The following APBA2 variants were observed in gnomAD, a reference collection of about 807,000 sequenced individuals.
The protein encoded by APBA2 is amyloid beta precursor protein binding family A member 2, also known as amyloid-beta A4 precursor protein-binding family A member 2.
In APBA2, 30 loss-of-function variants were observed where a neutral mutation model predicts 75.0. The observed-to-expected ratio is 0.40, with a 90% CI of 0.30 to 0.54. APBA2 has a LOEUF of 0.54. APBA2 is among the 20% of genes least tolerant of loss of function. The pLI is 0.49. For synonymous variants in APBA2, 444 were observed against 409.6 expected (o/e 1.08, Z -1.01); for missense variants, 801 against 1,016.1 (o/e 0.79, Z 2.88).
At chr15:28,944,335 C>T (rs889978984) in intron 2 of APBA2, among the ~76,000 whole-genome samples, 2 of 152,144 alleles carry the variant, frequency 1.3e-5, no homozygotes, top group African/African-American at 4.8e-5. Flanking sequence ...CTCAGTCACC[C>T]CAGAAAATTG....
At chr15:29,025,357 C>T (rs899263055) in intron 3 of APBA2, among the ~76,000 whole-genome samples, 4 of 151,406 alleles carry the variant, frequency 2.6e-5, no homozygotes, top group African/African-American at 9.7e-5. Context: ...TCTCCGCCAC[C>T]TGGGTTCAAG....
intron 2 of APBA2, among the ~76,000 whole-genome samples, chr15:28,968,277 C>G (rs974815759): frequency 2.6e-5 from 4 of 152,184 alleles, no homozygotes; most frequent in Non-Finnish European, 4.4e-5. Context: ...GAGATAGACC[C>G]TGCTTTTCAT....
At chr15:29,093,830 C>G (rs2043707297) in intron 7 of APBA2, among the ~76,000 whole-genome samples, 1 of 152,164 alleles carries the variant, frequency 6.6e-6, no homozygotes, top group Non-Finnish European at 1.5e-5. Flanking sequence ...TCCTCCCCAG[C>G]CCTCACCATA....
At chr15:28,988,389 G>A (rs1230277542) in intron 2 of APBA2, among the ~76,000 whole-genome samples, 1 of 151,210 alleles carries the variant, frequency 6.6e-6, no homozygotes, top group Non-Finnish European at 1.5e-5. Context: ...TCAGCTTCCC[G>A]AGTAGCTGGG....
chr15:28,958,053 C>T (rs1009541490), intron 2 of APBA2, among the ~76,000 whole-genome samples: 2 of 152,198 alleles, frequency 1.3e-5, no homozygotes, highest in Non-Finnish European at 2.9e-5. Flanking sequence ...CCAGCACTTG[C>T]ACTGCCCAGT....
chr15:28,904,838 C>T (rs1457624256), intron 1 of APBA2, among the ~76,000 whole-genome samples: 1 of 152,144 alleles, frequency 6.6e-6, no homozygotes, highest in Non-Finnish European at 1.5e-5. Context: ...ATTTTAGAGA[C>T]TTCCCATGAC....
At chr15:29,061,185 G>T (rs759060259) in intron 4 of APBA2, among the ~76,000 whole-genome samples, 3 of 152,216 alleles carry the variant, frequency 2.0e-5, no homozygotes, top group Non-Finnish European at 4.4e-5. Flanking sequence ...GGAACATAAA[G>T]GGTTTGGCGA....
At chr15:28,978,682 G>C (rs2037466726) in intron 2 of APBA2, among the ~76,000 whole-genome samples, 1 of 152,168 alleles carries the variant, frequency 6.6e-6, no homozygotes, top group Admixed American at 6.5e-5. Flanking sequence ...TTGTTGTCTT[G>C]GCATGAAGTT....
At chr15:29,111,262 G>T (rs933155605) in intron 13 of APBA2, among the ~76,000 whole-genome samples, 2 of 152,092 alleles carry the variant, frequency 1.3e-5, no homozygotes, top group Non-Finnish European at 2.9e-5. Context: ...GACGAGGAGG[G>T]TCTGGAGGTC....
intron 6 of APBA2, among the ~76,000 whole-genome samples, chr15:29,090,461 C>T (rs1023239257): frequency 6.6e-6 from 1 of 152,200 alleles, no homozygotes; most frequent in Non-Finnish European, 1.5e-5. Context: ...CCAGGGCCAC[C>T]CTGGGGGCTG....
At chr15:28,990,608 A>G (rs561080211) in intron 2 of APBA2, 3 of 152,186 alleles carry the variant, frequency 2.0e-5, no homozygotes, top group Non-Finnish European at 4.4e-5. Context: ...AGGCTGAGAT[A>G]CTCTATATCT....
rs780283631 is a variant in APBA2, at chr15:29,113,847, C to T, written c.2038-29C>T. 27 of 1,592,304 alleles carry T rather than the reference C, an allele frequency of 1.7e-5. No individual in the cohort carries two copies. The South Asian group carries it at 2.5e-4, about 15-fold the overall frequency. On this transcript the variant is annotated intron_variant, in intron 13 of 14. Transcript: ENST00000683413. ...GCGCCTGTCGGGTGTGGCGGGAACA[C>T]GTGTGCTGACCTGGCCATGTCTGCT...
At chr15:29,029,687 A>T (rs1179197525) in intron 3 of APBA2, among the ~76,000 whole-genome samples, 2 of 152,120 alleles carry the variant, frequency 1.3e-5, no homozygotes, top group Non-Finnish European at 2.9e-5. Flanking sequence ...GGACCTAAGC[A>T]GGGGCAGACC....
At chr15:29,076,196 G>T (rs575655925) in intron 6 of APBA2, 105 bp downstream of exon 6, 10 of 1,237,290 alleles carry the variant, frequency 8.1e-6, no homozygotes, top group Non-Finnish European at 1.1e-5. Flanking sequence ...TTTACAAAGC[G>T]TGCCTACCTA....
At chr15:29,061,175 G>A (rs2042115846) in intron 4 of APBA2, among the ~76,000 whole-genome samples, 1 of 152,206 alleles carries the variant, frequency 6.6e-6, no homozygotes, top group Admixed American at 6.5e-5. Context: ...GGTGGCCTGT[G>A]GAACATAAAG....
chr15:29,036,844 AC>A (rs2040778006), intron 3 of APBA2, among the ~76,000 whole-genome samples: 1 of 151,984 alleles, frequency 6.6e-6, no homozygotes, highest in Non-Finnish European at 1.5e-5. Flanking sequence ...ACATGGTGAG[AC>A]CCTGTTTCTA....
chr15:29,094,670 T>C (rs1043925875), intron 8 of APBA2, among the ~76,000 whole-genome samples: 3 of 152,246 alleles, frequency 2.0e-5, no homozygotes, highest in African/African-American at 7.2e-5. Flanking sequence ...GCAGTATTAC[T>C]GAATTGTTCT....
chr15:28,919,035 G>A (rs1351261195), intron 1 of APBA2, among the ~76,000 whole-genome samples: 3 of 151,852 alleles, frequency 2.0e-5, no homozygotes, highest in African/African-American at 7.3e-5. Context: ...AATTTTTTGC[G>A]TTTTTTAGTA....
At chr15:28,985,395 G>A (rs559207557) in intron 2 of APBA2, among the ~76,000 whole-genome samples, 85 of 152,274 alleles carry the variant, frequency 5.6e-4, no homozygotes, top group African/African-American at 2.0e-3. Flanking sequence ...GATTTTCGTG[G>A]TCATTTTCCT....
Sources: allele counts gnomAD v4.1 joint callset (sites outside exome capture counted in the v4.1 genomes callset), GRCh38; gene constraint gnomAD v4.1.1; transcripts MANE v1.5; gene names NCBI Gene and HGNC (gene_info 2026-07-23, HGNC 2026-07-21).